The following TRHDE variants were observed in gnomAD, a reference collection of about 807,000 sequenced individuals.
TRHDE encodes thyrotropin-releasing hormone-degrading ectoenzyme.
Under a neutral mutation model 125.7 loss-of-function variants are expected in TRHDE, and 72 were observed. The ratio of observed to expected loss-of-function variants is 0.57; its 90% CI spans 0.47 to 0.70. TRHDE has a LOEUF of 0.70. TRHDE is among the 30% of genes least tolerant of loss of function. The pLI is 0.00. For missense variants in TRHDE, 1,110 were observed against 1,327.1 expected (o/e 0.84, Z 2.54); for synonymous variants, 509 against 509.1 (o/e 1.00, Z 0.00).
At chr12:72,549,968 T>C (rs990929532) in intron 7 of TRHDE, among the ~76,000 whole-genome samples, 9 of 152,004 alleles carry the variant, frequency 5.9e-5, no homozygotes, top group Middle Eastern at 3.4e-3. Context: ...TTTAGAGATA[T>C]ATATCTCTAT....
At chr12:72,521,480 G>GTT (rs1206817524) in intron 6 of TRHDE, among the ~76,000 whole-genome samples, 1 of 152,188 alleles carries the variant, frequency 6.6e-6, no homozygotes, top group East Asian at 1.9e-4. Flanking sequence ...GAGAAACATG[G>GTT]TTTGGCTTCT....
chr12:72,116,639 G>T (rs1285574090), intron 2 of TRHDE, among the ~76,000 whole-genome samples: 3 of 151,744 alleles, frequency 2.0e-5, no homozygotes, highest in African/African-American at 4.9e-5. Context: ...TCATATATTT[G>T]TTGGCCACAT....
chr12:72,430,306 T>TATGTATATATACATATATAC (rs1565738153), intron 3 of TRHDE, among the ~76,000 whole-genome samples: 4 of 144,700 alleles, frequency 2.8e-5, no homozygotes, highest in African/African-American at 1.0e-4. Flanking sequence ...TATGTATATA[T>TATGTATATATACATATATAC]ATGTATATAT....
Position 72,134,213 on chromosome 12 carries a change from T to A in TRHDE, n.279+28461T>A, listed in dbSNP as rs147736591. On this transcript the variant is annotated intron_variant and non_coding_transcript_variant, in intron 2 of 4. Transcript: ENST00000548156. Reference sequence around the variant, plus strand: ...ATTTCATTGTCCTTGGTCTGTTTTTTTCCCCCTAAGTTCATTTCTGGACAC... The same window carrying A: ...ATTTCATTGTCCTTGGTCTGTTTTTATCCCCCTAAGTTCATTTCTGGACAC... Among the ~76,000 whole-genome samples the A allele has an allele frequency of 7.1e-4, 108 of 152,298 alleles. 1 individual carries two copies. In the East Asian group the frequency reaches 0.017, roughly 24 times the overall value.
intron 2 of TRHDE, chr12:72,262,424 A>G (rs568794619): frequency 2.8e-4 from 42 of 152,308 alleles, no homozygotes; most frequent in African/African-American, 9.6e-4. Context: ...TTCTATAATC[A>G]TAGTGTTAAA....
At chr12:72,213,693 G>A (rs1045624023) in intron 2 of TRHDE, among the ~76,000 whole-genome samples, 2 of 152,004 alleles carry the variant, frequency 1.3e-5, no homozygotes, top group African/African-American at 4.8e-5. Context: ...CTGGAATTTT[G>A]TAAAATTCAA....
At chr12:72,205,580 G>T (rs1477437411) in intron 2 of TRHDE, among the ~76,000 whole-genome samples, 2 of 151,994 alleles carry the variant, frequency 1.3e-5, no homozygotes, top group Non-Finnish European at 2.9e-5. Context: ...GATTACTTTA[G>T]ATATCCCATG....
chr12:72,587,322 A>G (rs1025152107), intron 12 of TRHDE, among the ~76,000 whole-genome samples: 2 of 152,110 alleles, frequency 1.3e-5, no homozygotes, highest in African/African-American at 4.8e-5. Context: ...TTTTTTAAGT[A>G]TGGAGAGTTG....
At chr12:72,618,529 G>A (rs1175591193) in intron 12 of TRHDE, among the ~76,000 whole-genome samples, 1 of 152,076 alleles carries the variant, frequency 6.6e-6, no homozygotes, top group Non-Finnish European at 1.5e-5. Context: ...AATACATGGA[G>A]AAACTGAAAT....
chr12:72,088,229 T>G (rs1874713619), intron 1 of TRHDE, among the ~76,000 whole-genome samples: 1 of 152,058 alleles, frequency 6.6e-6, no homozygotes, highest in African/African-American at 2.4e-5. Context: ...AATGTTATCT[T>G]GAGAAGTGAT....
At chr12:72,425,298 C>G (rs1253118400) in intron 3 of TRHDE, among the ~76,000 whole-genome samples, 1 of 152,098 alleles carries the variant, frequency 6.6e-6, no homozygotes, top group Non-Finnish European at 1.5e-5. Flanking sequence ...GCTAATGCAA[C>G]CTGCATATTC....
At chr12:72,375,569 A>G (rs1871840985) in intron 2 of TRHDE, among the ~76,000 whole-genome samples, 1 of 152,188 alleles carries the variant, frequency 6.6e-6, no homozygotes, top group Non-Finnish European at 1.5e-5. Flanking sequence ...TTGCTGTATC[A>G]TTTTAGAGTA....
chr12:72,196,520 C>T (rs765837628), intron 2 of TRHDE, among the ~76,000 whole-genome samples: 20 of 151,884 alleles, frequency 1.3e-4, no homozygotes, highest in Admixed American at 5.3e-4. Flanking sequence ...CTTTATTTGG[C>T]TCTCAGCTTG....
chr12:72,591,514 A>G (rs1409539005), intron 12 of TRHDE, among the ~76,000 whole-genome samples: 1 of 152,050 alleles, frequency 6.6e-6, no homozygotes, highest in Non-Finnish European at 1.5e-5. Context: ...AAAATGTTAT[A>G]ATTTTAAAAA....
chr12:72,620,597 G>T (rs1873013193), intron 13 of TRHDE, among the ~76,000 whole-genome samples: 1 of 152,080 alleles, frequency 6.6e-6, no homozygotes, highest in Non-Finnish European at 1.5e-5. Context: ...TTAGCTGAAT[G>T]AATTGTTGAC....
intron 2 of TRHDE, among the ~76,000 whole-genome samples, chr12:72,317,088 G>A (rs1868838701): frequency 6.6e-6 from 1 of 152,112 alleles, no homozygotes; most frequent in South Asian, 2.1e-4. Context: ...AATTCTGAGG[G>A]TATCATAATT....
chr12:72,253,538 G>A (rs1241710747), intron 2 of TRHDE: 4 of 152,042 alleles, frequency 2.6e-5, no homozygotes, highest in Non-Finnish European at 4.4e-5. Context: ...ATTTTTTACA[G>A]CAATTTTAGT....
At chr12:72,580,671 C>T (rs1473311413) in intron 12 of TRHDE, among the ~76,000 whole-genome samples, 1 of 152,200 alleles carries the variant, frequency 6.6e-6, no homozygotes, top group Non-Finnish European at 1.5e-5. Context: ...GAACTGCTGA[C>T]CTCAGGTGAT....
intron 6 of TRHDE, among the ~76,000 whole-genome samples, chr12:72,533,338 C>A (rs892124273): frequency 3.3e-5 from 5 of 152,122 alleles, no homozygotes; most frequent in African/African-American, 1.2e-4. Flanking sequence ...CCACACCCAG[C>A]TAATTTTTGT....
Sources: gnomAD v4.1 joint callset for allele counts (sites outside exome capture counted in the v4.1 genomes callset) on GRCh38, gnomAD v4.1.1 for gene constraint, MANE v1.5 for transcripts, NCBI Gene and HGNC (gene_info 2026-07-23, HGNC 2026-07-21) for gene names.